FIGN: variants seen among roughly 807,000 people sequenced by gnomAD.
The protein encoded by FIGN is fidgetin.
Under a neutral mutation model 51.3 loss-of-function variants are expected in FIGN, and 11 were observed. The ratio of observed to expected loss-of-function variants is 0.21; its 90% CI spans 0.13 to 0.35. The LOEUF is 0.35. FIGN is among the 10% of genes least tolerant of loss of function. The pLI, the probability that FIGN is intolerant of heterozygous loss-of-function variation, is 1.00. For missense variants in FIGN, 857 were observed against 943.6 expected, an observed-to-expected ratio of 0.91 and a Z score of 1.20; for synonymous variants, 407 against 363.2, an observed-to-expected ratio of 1.12 and a Z score of -1.37.
intron 2 of FIGN, among the ~76,000 whole-genome samples, chr2:163,680,864 A>C (rs1235365549): frequency 6.6e-6 from 1 of 152,198 alleles, no homozygotes; most frequent in Non-Finnish European, 1.5e-5. Flanking sequence ...AAAGAAAAAA[A>C]AAATGCCTTA....
At chr2:163,617,879 C>T (rs1682905564) in intron 2 of FIGN, among the ~76,000 whole-genome samples, 2 of 152,148 alleles carry the variant, frequency 1.3e-5, no homozygotes, top group Non-Finnish European at 2.9e-5. Flanking sequence ...CTGTGAACTG[C>T]TACACAAACA....
chr2:163,637,917 G>C (rs1306752855), intron 2 of FIGN, among the ~76,000 whole-genome samples: 1 of 152,086 alleles, frequency 6.6e-6, no homozygotes, highest in Non-Finnish European at 1.5e-5. Flanking sequence ...CAAAGCATCA[G>C]CAGAAAGCAC....
chr2:163,655,804 C>CACAGAGAGAGAGAG (rs374458554), intron 2 of FIGN, among the ~76,000 whole-genome samples: 19 of 145,848 alleles, frequency 1.3e-4, no homozygotes, highest in African/African-American at 4.8e-4. Flanking sequence ...CACACACACA[C>CACAGAGAGAGAGAG]AGAGAGAGAG....
intron 2 of FIGN, among the ~76,000 whole-genome samples, chr2:163,680,352 T>C (rs1684041155): frequency 6.6e-6 from 1 of 152,208 alleles, no homozygotes; most frequent in Non-Finnish European, 1.5e-5. Flanking sequence ...CTTGCTATCA[T>C]GGTATACATC....
chr2:163,731,714 GAA>G (rs35314562), intron 2 of FIGN, among the ~76,000 whole-genome samples: 14 of 139,452 alleles, frequency 1.0e-4, no homozygotes, highest in African/African-American at 3.4e-4. Context: ...TCTATTTTCA[GAA>G]AAAAAAAAAA....
At chr2:163,725,302 G>A (rs13401739) in intron 2 of FIGN, among the ~76,000 whole-genome samples, 5,880 of 151,926 alleles carry the variant, frequency 0.039, 359 homozygotes, top group African/African-American at 0.13. Context: ...CTTCAAAACG[G>A]TACACAGCTA....
intron 2 of FIGN, 108 bp downstream of exon 2, chr2:163,734,795 T>C (rs1303948834): frequency 3.1e-6 from 3 of 979,364 alleles, no homozygotes; most frequent in Non-Finnish European, 4.5e-6. Context: ...AAAGGAATTC[T>C]ATATCATGAG....
At chr2:163,644,664 A>T (rs1206336029) in intron 2 of FIGN, among the ~76,000 whole-genome samples, 1 of 152,238 alleles carries the variant, frequency 6.6e-6, no homozygotes, top group Non-Finnish European at 1.5e-5. Flanking sequence ...ATAGCCAAAA[A>T]TATGGAAGCA....
intron 2 of FIGN, among the ~76,000 whole-genome samples, chr2:163,657,512 G>GTGTGTT (rs1307657944): frequency 6.6e-6 from 1 of 151,654 alleles, no homozygotes; most frequent in African/African-American, 2.4e-5. Flanking sequence ...GTGTGTGTGT[G>GTGTGTT]TGTGTGTGTG....
At chr2:163,611,895 T>A in intron 2 of FIGN, 89 bp from the exon 3 acceptor site, 1 of 1,024,064 alleles carries the variant, frequency 9.8e-7, no homozygotes, top group Non-Finnish European at 1.4e-6. Flanking sequence ...TGTTACCTAT[T>A]ATTTTCCATT....
chr2:163,702,864 G>A (rs1248777184), intron 2 of FIGN, among the ~76,000 whole-genome samples: 1 of 151,904 alleles, frequency 6.6e-6, no homozygotes, highest in Non-Finnish European at 1.5e-5. Context: ...TAATAAAATG[G>A]TAATAAAAAG....
At position 163,637,361 on chromosome 2, in the gene FIGN, C is replaced by T. The variant is rs576195944; in HGVS notation, c.26-25555G>A. 1.3e-4 allele frequency among the ~76,000 whole-genome samples: 20 copies of T among 152,256 alleles called. No individual in the cohort carries two copies. In the East Asian group the frequency reaches 1.4e-3, roughly 10 times the overall value. ...AAAAATCTTCCCACAAATCTAATTACGACAGTTTTTTACTTTGCCTAATAA... is the reference window on the plus strand; with the variant it reads ...AAAAATCTTCCCACAAATCTAATTATGACAGTTTTTTACTTTGCCTAATAA... On this transcript the variant is annotated intron_variant, in intron 2 of 2. Transcript: ENST00000333129.
intron 2 of FIGN, among the ~76,000 whole-genome samples, chr2:163,653,436 A>C (rs1290331895): frequency 6.6e-6 from 1 of 152,092 alleles, no homozygotes; most frequent in Admixed American, 6.6e-5. Flanking sequence ...TTTGAAATTA[A>C]AAAAAGTATT....
chr2:163,720,938 T>G (rs1362604663), intron 2 of FIGN, among the ~76,000 whole-genome samples: 1 of 152,092 alleles, frequency 6.6e-6, no homozygotes, highest in Non-Finnish European at 1.5e-5. Context: ...AAAAATTCTA[T>G]TACTGACAGC....
intron 2 of FIGN, among the ~76,000 whole-genome samples, chr2:163,719,776 T>C (rs909222458): frequency 6.6e-6 from 1 of 152,146 alleles, no homozygotes; most frequent in Admixed American, 6.6e-5. Flanking sequence ...TTTGATCACG[T>C]AGCATATCAA....
intron 2 of FIGN, among the ~76,000 whole-genome samples, chr2:163,631,807 T>C (rs551053263): frequency 2.0e-5 from 3 of 152,306 alleles, no homozygotes; most frequent in Admixed American, 1.3e-4. Context: ...CCACAAAAAC[T>C]TGGTGCTATA....
At chr2:163,643,529 T>C (rs888527940) in intron 2 of FIGN, among the ~76,000 whole-genome samples, 4 of 151,508 alleles carry the variant, frequency 2.6e-5, no homozygotes, top group Non-Finnish European at 5.9e-5. Flanking sequence ...CATGCACTTG[T>C]AGTTCTAGCT....
chr2:163,648,080 A>T (rs1683410614), intron 2 of FIGN, among the ~76,000 whole-genome samples: 7 of 152,110 alleles, frequency 4.6e-5, no homozygotes, highest in Admixed American at 3.9e-4. Context: ...ACCTTAAATG[A>T]TTTGCAAGGT....
chr2:163,678,327 T>C, intron 2 of FIGN, among the ~76,000 whole-genome samples: 1 of 152,078 alleles, frequency 6.6e-6, no homozygotes, highest in Middle Eastern at 3.2e-3. Context: ...TTCAACTGAT[T>C]CTCCCGCCTC....
Sources: allele counts gnomAD v4.1 joint callset (sites outside exome capture counted in the v4.1 genomes callset), GRCh38; gene constraint gnomAD v4.1.1; transcripts MANE v1.5; gene names NCBI Gene and HGNC (gene_info 2026-07-23, HGNC 2026-07-21).